Variants in GRIK2 observed in about 807,000 individuals in gnomAD.
GRIK2 encodes glutamate ionotropic receptor kainate type subunit 2.
In GRIK2, 32 loss-of-function variants were observed where a neutral mutation model predicts 100.3. The observed-to-expected ratio is 0.32, with a 90% CI of 0.24 to 0.43. GRIK2 has a LOEUF of 0.43. GRIK2 is among the 20% of genes least tolerant of loss of function. The pLI, the probability that GRIK2 is intolerant of heterozygous loss-of-function variation, is 1.00. For synonymous variants in GRIK2, 417 were observed against 389.4 expected (o/e 1.07, Z -0.83); for missense variants, 843 against 1,114.9 (o/e 0.76, Z 3.47).
intron 14 of GRIK2, among the ~76,000 whole-genome samples, chr6:101,998,029 C>T (rs780878503): frequency 3.9e-5 from 6 of 151,992 alleles, no homozygotes; most frequent in Non-Finnish European, 7.4e-5. Flanking sequence ...CGAGAAAATA[C>T]CACAGTGAAG....
chr6:101,428,302 T>G (rs983005970), intron 2 of GRIK2, among the ~76,000 whole-genome samples: 5 of 152,192 alleles, frequency 3.3e-5, no homozygotes, highest in Non-Finnish European at 4.4e-5. Flanking sequence ...TAACATGCAG[T>G]TTTTAAAAAT....
At chr6:101,789,997 GCTCT>G (rs1779726162) in intron 7 of GRIK2, among the ~76,000 whole-genome samples, 1 of 152,042 alleles carries the variant, frequency 6.6e-6, no homozygotes, top group African/African-American at 2.4e-5. Flanking sequence ...TCATGATTTG[GCTCT>G]CTGTTTGTTT....
intron 2 of GRIK2, among the ~76,000 whole-genome samples, chr6:101,401,973 G>T (rs182104207): frequency 6.6e-6 from 1 of 152,174 alleles, no homozygotes; most frequent in East Asian, 1.9e-4. Flanking sequence ...CCGCCGCGGC[G>T]CTATGGCAAC....
chr6:101,901,911 T>C (rs17785058), intron 12 of GRIK2, among the ~76,000 whole-genome samples: 13,224 of 152,000 alleles, frequency 0.087, 797 homozygotes, highest in Middle Eastern at 0.2. Flanking sequence ...AGCATATTAT[T>C]ACAATGTTAG....
chr6:101,480,802 C>G (rs1772488788), intron 2 of GRIK2, among the ~76,000 whole-genome samples: 1 of 151,820 alleles, frequency 6.6e-6, no homozygotes, highest in Non-Finnish European at 1.5e-5. Context: ...TTTTGTTGGT[C>G]CTGGAAATAT....
At chr6:101,741,222 G>T (rs931341618) in intron 7 of GRIK2, among the ~76,000 whole-genome samples, 11 of 152,150 alleles carry the variant, frequency 7.2e-5, no homozygotes, top group Non-Finnish European at 1.3e-4. Flanking sequence ...TTCACCAAAT[G>T]ATTCTAATGG....
chr6:101,638,354 A>G (rs1781120995), intron 4 of GRIK2, among the ~76,000 whole-genome samples: 2 of 151,828 alleles, frequency 1.3e-5, no homozygotes, highest in Admixed American at 6.6e-5. Flanking sequence ...AAATATGTGT[A>G]CACAATAGTA....
chr6:101,557,029 A>C (rs2518307), intron 2 of GRIK2, among the ~76,000 whole-genome samples: 70,295 of 151,646 alleles, frequency 0.46, 16,508 homozygotes, highest in Middle Eastern at 0.51. Flanking sequence ...TTAAAAAAAA[A>C]CTCTCTTTTA....
In GRIK2 at chr6:101,494,971, TTATATA is replaced by T. The variant is rs369006296; in HGVS notation, c.115+95603_115+95608del. Among the ~76,000 whole-genome samples the T allele has an allele frequency of 1.9e-3, 201 of 107,956 alleles. 2 individuals are homozygous for T. The highest frequency in any genetic ancestry group is 4.4e-3 in the African/African-American group (125 of 28,404). The allele number at this position is 107,956 out of a possible 152,430, so 70.8% of individuals were successfully genotyped here. ...TAAAAAGTAATACCTATATATGCAT[TTATATA>T]TATATATATATATATATATATATGA... On this transcript the variant is annotated intron_variant, in intron 2 of 16. Coordinates refer to ENST00000369134, the MANE Select transcript of GRIK2 (RefSeq NM_021956.5).
intron 14 of GRIK2, among the ~76,000 whole-genome samples, chr6:101,966,170 A>G (rs1792659999): frequency 6.6e-6 from 1 of 152,134 alleles, no homozygotes; most frequent in Admixed American, 6.6e-5. Context: ...GGCATTCCCA[A>G]ATTAAAGTTA....
intron 12 of GRIK2, among the ~76,000 whole-genome samples, chr6:101,896,304 A>G (rs1434841694): frequency 6.6e-6 from 1 of 151,794 alleles, no homozygotes; most frequent in Non-Finnish European, 1.5e-5. Context: ...GACAAAGAAG[A>G]TAATTTAATC....
At chr6:101,760,025 G>A (rs1057346566) in intron 7 of GRIK2, among the ~76,000 whole-genome samples, 12 of 136,350 alleles carry the variant, frequency 8.8e-5, no homozygotes, top group South Asian at 4.6e-4. Flanking sequence ...GCCCGCCACC[G>A]CGCCCGGCTA....
intron 14 of GRIK2, among the ~76,000 whole-genome samples, chr6:101,960,995 C>A (rs1476162703): frequency 6.6e-6 from 1 of 152,076 alleles, no homozygotes; most frequent in African/African-American, 2.4e-5. Context: ...CCAAACTCAC[C>A]CTCAGATACC....
intron 14 of GRIK2, among the ~76,000 whole-genome samples, chr6:101,961,757 T>C (rs1792316794): frequency 6.6e-6 from 1 of 152,072 alleles, no homozygotes; most frequent in Non-Finnish European, 1.5e-5. Flanking sequence ...CCCTGAACGT[T>C]AGAATTCCGG....
intron 4 of GRIK2, among the ~76,000 whole-genome samples, chr6:101,661,429 G>A (rs947138411): frequency 6.6e-5 from 10 of 152,040 alleles, no homozygotes; most frequent in South Asian, 2.1e-4. Context: ...GGTGAGATAC[G>A]CTGAGCTAGA....
At chr6:101,718,606 G>A (rs1238625) in intron 7 of GRIK2, among the ~76,000 whole-genome samples, 3,835 of 151,922 alleles carry the variant, frequency 0.025, 138 homozygotes, top group African/African-American at 0.079. Flanking sequence ...TATCTAGACT[G>A]TGTCCCTTCC....
At chr6:101,618,612 G>A (rs512051) in intron 2 of GRIK2, among the ~76,000 whole-genome samples, 9 of 151,166 alleles carry the variant, frequency 6.0e-5, no homozygotes, top group African/African-American at 1.7e-4. Context: ...GTATTTTCTC[G>A]TATACTTCAC....
chr6:101,809,009 CT>C (rs1781169237), intron 9 of GRIK2, among the ~76,000 whole-genome samples: 1 of 151,130 alleles, frequency 6.6e-6, no homozygotes, highest in Non-Finnish European at 1.5e-5. Context: ...TTGTAAATGT[CT>C]TATAAATAGT....
At chr6:101,832,940 A>T (rs1782798282) in intron 10 of GRIK2, among the ~76,000 whole-genome samples, 1 of 152,188 alleles carries the variant, frequency 6.6e-6, no homozygotes, top group Admixed American at 6.5e-5. Context: ...AGAAGAAACA[A>T]CACAAATACA....
Sources: allele counts gnomAD v4.1 joint callset (sites outside exome capture counted in the v4.1 genomes callset), GRCh38; gene constraint gnomAD v4.1.1; transcripts MANE v1.5; gene names NCBI Gene and HGNC (gene_info 2026-07-23, HGNC 2026-07-21).